Variants in SREBF2 observed in about 807,000 individuals in gnomAD.
SREBF2 encodes sterol regulatory element binding transcription factor 2.
SREBF2 carries 55 observed loss-of-function variants against 113.1 expected under a neutral mutation model. That is an observed-to-expected ratio of 0.49 (90% CI 0.39 to 0.61). SREBF2 has a LOEUF of 0.61. SREBF2 is among the 20% of genes least tolerant of loss of function. The probability of loss-of-function intolerance (pLI) is 0.00; values close to 1 mark genes in which losing one functional copy is unlikely to be tolerated. For synonymous variants in SREBF2, 593 were observed against 605.7 expected (o/e 0.98, Z 0.31); for missense variants, 1,349 against 1,487.4 (o/e 0.91, Z 1.53).
rs144437401 is a variant in SREBF2 at position 41,859,941 on chromosome 22, G to A, written c.89-6890G>A. Among the ~76,000 whole-genome samples the A allele has an allele frequency of 4.4e-3, 669 of 150,706 alleles. 7 individuals are homozygous for A. The highest frequency in any genetic ancestry group is 0.016 in the African/African-American group (650 of 41,018). On this transcript the variant is annotated intron_variant, in intron 1 of 18. Coordinates refer to ENST00000361204, the MANE Select transcript of SREBF2 (RefSeq NM_004599.4). ...CTGCCTCAACCGCCCAAGTAGCTGG[G>A]ACTACAGGCGCCCGCCACCACGCCC... is the stretch of plus-strand genomic sequence containing the variant.
intron 11 of SREBF2, chr22:41,885,771 A>T (rs1309358587): frequency 6.5e-6 from 1 of 153,208 alleles, no homozygotes; most frequent in Non-Finnish European, 1.5e-5. Flanking sequence ...TTCAAGCATT[A>T]CCACATCTCT....
At position 41,876,081 on chromosome 22, in the gene SREBF2, G is replaced by A. The variant is rs1353832364; in HGVS notation, c.1386+357G>A. 2.0e-5 allele frequency among the ~76,000 whole-genome samples: 3 copies of A among 152,320 alleles called. No homozygotes were observed. The South Asian group carries it at 6.2e-4, about 32-fold the overall frequency. On this transcript the variant is annotated intron_variant, in intron 7 of 18. Coordinates refer to ENST00000361204, the MANE Select transcript of SREBF2 (RefSeq NM_004599.4). ...GGGCCTGGCAAGACCACTTTGGGAG[G>A]CTGATCAGTTGGTTTAGGATGAGGC...
intron 1 of SREBF2, among the ~76,000 whole-genome samples, chr22:41,860,402 A>G (rs955012514): frequency 6.6e-6 from 1 of 152,222 alleles, no homozygotes; most frequent in Non-Finnish European, 1.5e-5. Context: ...AGACAAAACA[A>G]TTCCATGTTG....
At position 41,881,002 on chromosome 22, in the gene SREBF2, C is replaced by T; in HGVS notation, c.2038+10C>T. 6.2e-7 allele frequency: 1 copy of T among 1,604,026 alleles called. No individual in the cohort carries two copies. Among genetic ancestry groups the T allele is most frequent in the Non-Finnish European group, 8.5e-7 (1 of 1,179,640 alleles). On this transcript the variant is annotated intron_variant, in intron 10 of 18. Transcript: ENST00000361204. ...CAGCTGCACATCACAGGTGAGGGGG[C>T]AGCTGCTGCTGCCTGGCTTGCTGCA...
At chr22:41,896,013 C>T (rs1569408979) in intron 13 of SREBF2, among the ~76,000 whole-genome samples, 1 of 151,900 alleles carries the variant, frequency 6.6e-6, no homozygotes, top group Admixed American at 6.6e-5. Context: ...TGGTGGCGGG[C>T]GCCTGTGGTC....
chr22:41,844,059 C>CAG (rs2076856021), intron 1 of SREBF2, among the ~76,000 whole-genome samples: 1 of 148,144 alleles, frequency 6.8e-6, no homozygotes, highest in Non-Finnish European at 1.5e-5. Flanking sequence ...CACACACACA[C>CAG]ACACACGTAT....
chr22:41,850,709 A>C (rs1030751037), intron 1 of SREBF2, among the ~76,000 whole-genome samples: 1 of 152,070 alleles, frequency 6.6e-6, no homozygotes, highest in African/African-American at 2.4e-5. Flanking sequence ...TTGGCAAATT[A>C]TCTAATTTCT....
At chr22:41,898,811 C>G in intron 15 of SREBF2, 30 bp downstream of exon 15, 1 of 1,612,652 alleles carries the variant, frequency 6.2e-7, no homozygotes. Flanking sequence ...CACTCACTTG[C>G]TTCTCTCCAG....
rs1322056928 is a variant in SREBF2 at position 41,903,218 on chromosome 22, C to CCA, written c.3093+64_3093+65dup. ...AGCCTGTGGGGCCTGAGCCCAGAAC[C>CCA]CAGCATGGGCACCAGCATGTGGTTG... On this transcript the variant is annotated intron_variant, in intron 17 of 18. Coordinates refer to ENST00000361204, the MANE Select transcript of SREBF2 (RefSeq NM_004599.4). 11 of 1,524,780 alleles carry CCA rather than the reference C, an allele frequency of 7.2e-6. No individual in the cohort carries two copies. In the African/African-American group the frequency reaches 8.2e-5, roughly 11 times the overall value. The allele number at this position is 1,524,780 out of a possible 1,614,324, so 94.5% of individuals were successfully genotyped here.
chr22:41,878,136 T>C lies in SREBF2; in HGVS notation c.1761+13T>C, dbSNP rs772165330. 3.1e-6 allele frequency: 5 copies of C among 1,613,518 alleles called. No individual in the cohort carries two copies. Among genetic ancestry groups the C allele is most frequent in the Non-Finnish European group, 3.4e-6 (4 of 1,179,964 alleles). ...GGATCTCGCCAGAGTGAGTTCTGTG[T>C]CCGCCCTTCCCCATCCTCCCCCAGA... On this transcript the variant is annotated intron_variant, in intron 9 of 18. Coordinates refer to ENST00000361204, the MANE Select transcript of SREBF2 (RefSeq NM_004599.4).
chr22:41,854,466 T>G (rs771776637), intron 1 of SREBF2, among the ~76,000 whole-genome samples: 1 of 151,894 alleles, frequency 6.6e-6, no homozygotes, highest in African/African-American at 2.4e-5. Flanking sequence ...CCGGCCTGGC[T>G]TTTGTTTTTT....
At chr22:41,898,369 C>G (rs982998701) in intron 14 of SREBF2, among the ~76,000 whole-genome samples, 1 of 152,232 alleles carries the variant, frequency 6.6e-6, no homozygotes, top group Non-Finnish European at 1.5e-5. Flanking sequence ...CCACCTGCCT[C>G]AGCCTCCCAA....
At position 41,880,949 on chromosome 22, in the gene SREBF2, T is replaced by A; in HGVS notation, c.1995T>A (p.Asp665Glu). 2 of 1,611,632 alleles carry A rather than the reference T, an allele frequency of 1.2e-6. No individual in the cohort carries two copies. The highest frequency in any genetic ancestry group is 1.8e-4 in the Middle Eastern group (1 of 5,596). Residue 665 changes from aspartate to glutamate, a missense_variant, in exon 10 of 19, where the codon GAT becomes GAA. Asp to Glu is a conservative substitution (Grantham distance 45, BLOSUM62 2). Coordinates refer to ENST00000361204, the MANE Select transcript of SREBF2 (RefSeq NM_004599.4). ...ACGAAGCTAAGACCAGCGCCCGGGA[T>A]GCGGCTCTGGCCTATCACCGGCTGC... The part of the protein sequence containing the change: ...FEDEAKTSAR[D>E]AALAYHRLHQ...
rs1233098692 is a variant in SREBF2, at chr22:41,861,146, A to G, written c.89-5685A>G. The stretch of plus-strand genomic sequence containing the variant: ...ATGCATGTGCATGCTTAAGTGTGCA[A>G]GCAAGCCTTGTAGAGGAAGAAATCT... On this transcript the variant is annotated intron_variant, in intron 1 of 18. Coordinates refer to ENST00000361204, the MANE Select transcript of SREBF2 (RefSeq NM_004599.4). Among the ~76,000 whole-genome samples, 3 of 152,354 alleles carry G rather than the reference A, an allele frequency of 2.0e-5. 1 individual carries two copies. Among genetic ancestry groups the G allele is most frequent in the South Asian group, 4.1e-4 (2 of 4,830 alleles).
At chr22:41,859,600 T>C (rs1339080423) in intron 1 of SREBF2, among the ~76,000 whole-genome samples, 1 of 150,728 alleles carries the variant, frequency 6.6e-6, no homozygotes, top group Non-Finnish European at 1.5e-5. Context: ...AAAGCAAAAG[T>C]GTCAAAAAAA....
chr22:41,903,998 C>CCACTCTGGTCAG (rs2077485079), intron 17 of SREBF2, among the ~76,000 whole-genome samples: 1 of 152,220 alleles, frequency 6.6e-6, no homozygotes, highest in Non-Finnish European at 1.5e-5. Context: ...CTCCTGGAGC[C>CCACTCTGGTCAG]CACTCTGGTC....
chr22:41,855,017 A>G (rs1322657148), intron 1 of SREBF2, among the ~76,000 whole-genome samples: 2 of 144,378 alleles, frequency 1.4e-5, no homozygotes, highest in South Asian at 2.3e-4. Flanking sequence ...CATGTGCAGC[A>G]TTAAAAAAAA....
In SREBF2 at chr22:41,905,796, C is replaced by A; in HGVS notation, c.*136C>A. 1 of 977,868 alleles carries A rather than the reference C, an allele frequency of 1.0e-6. No homozygotes were observed. The highest frequency in any genetic ancestry group is 1.6e-6 in the Non-Finnish European group (1 of 626,766). The allele number at this position is 977,868 out of a possible 1,614,324, so 60.6% of individuals were successfully genotyped here. A position where few individuals can be genotyped will look rare whatever the true frequency, so the allele number is the denominator to read the frequency against. ...GCCGAGGCTTCTGGGCCACTCAGGC[C>A]AGTGCACCCCTGGGCAGAGCCCCTT... On this transcript the variant is annotated 3_prime_UTR_variant, in exon 19 of 19. Coordinates refer to ENST00000361204, the MANE Select transcript of SREBF2 (RefSeq NM_004599.4).
Position 41,905,703 on chromosome 22 carries a change from C to G in SREBF2, c.*43C>G, listed in dbSNP as rs530488446. 2 of 1,527,588 alleles carry G rather than the reference C, an allele frequency of 1.3e-6. No homozygotes were observed. The highest frequency in any genetic ancestry group is 2.0e-5 in the Admixed American group (1 of 51,058). 94.6% of individuals were successfully genotyped at this position (1,527,588 alleles called of 1,614,324 possible). On this transcript the variant is annotated 3_prime_UTR_variant, in exon 19 of 19. Coordinates refer to ENST00000361204, the MANE Select transcript of SREBF2 (RefSeq NM_004599.4). ...CCCCTCCACCTCTCTCTCGATTTCT[C>G]TCTCTCCCCCTCAGCATCTTCCCGC...
Sources: allele counts gnomAD v4.1 joint callset (sites outside exome capture counted in the v4.1 genomes callset), GRCh38; gene constraint gnomAD v4.1.1; transcripts MANE v1.5; gene names NCBI Gene and HGNC (gene_info 2026-07-23, HGNC 2026-07-21).